The following ATP8B1 variants were observed in gnomAD, a reference collection of about 807,000 sequenced individuals.
ATP8B1 encodes the protein ATPase phospholipid transporting 8B1.
ATP8B1 carries 80 observed loss-of-function variants against 149.9 expected under a neutral mutation model. The observed-to-expected ratio is 0.53, with a 90% CI of 0.45 to 0.64. The LOEUF is 0.64. ATP8B1 is among the 30% of genes least tolerant of loss of function. The probability of loss-of-function intolerance (pLI) is 0.00; values close to 1 mark genes in which losing one functional copy is unlikely to be tolerated. For synonymous variants in ATP8B1, 536 were observed against 562.8 expected (o/e 0.95, Z 0.67); for missense variants, 1,247 against 1,552.6 (o/e 0.80, Z 3.31).
At chr18:57,759,804 G>A (rs2080129925) in intron 1 of ATP8B1, among the ~76,000 whole-genome samples, 1 of 150,162 alleles carries the variant, frequency 6.7e-6, no homozygotes, top group Non-Finnish European at 1.5e-5. Flanking sequence ...GGGAGACAGA[G>A]CGAGACTCCG....
intron 22 of ATP8B1, among the ~76,000 whole-genome samples, chr18:57,655,929 G>A (rs1433100827): frequency 6.6e-6 from 1 of 152,216 alleles, no homozygotes; most frequent in African/African-American, 2.4e-5. Flanking sequence ...TTGTGAATTA[G>A]GTTCCACTGT....
chr18:57,699,773 G>C (rs557177360), intron 6 of ATP8B1, among the ~76,000 whole-genome samples: 2 of 152,072 alleles, frequency 1.3e-5, no homozygotes, highest in African/African-American at 4.8e-5. Context: ...GGCTGGCCTC[G>C]AACTCCTGGC....
rs999536671 is a variant in ATP8B1 at position 57,698,976 on chromosome 18, G to C, written c.555-1109C>G. Among the ~76,000 whole-genome samples the C allele has an allele frequency of 2.0e-5, 3 of 152,108 alleles. No homozygotes were observed. The East Asian group carries it at 5.8e-4, about 29-fold the overall frequency. On this transcript the variant is annotated intron_variant, in intron 6 of 27. Transcript: ENST00000648908. ...TGTCTTGAACTATAAATTTCTCAAG[G>C]ATACTGTCCTGCCTCCAACATGCAG...
At position 57,685,066 on chromosome 18, in the gene ATP8B1, T is replaced by A. The variant is rs750987218; in HGVS notation, c.1473+6A>T. 7 of 1,613,922 alleles carry A rather than the reference T, an allele frequency of 4.3e-6. No homozygotes were observed. The African/African-American group carries it at 9.3e-5, about 22-fold the overall frequency. ...CCCAAACGATTCTTCGGCTTAAAGGTCTTACCTCTATTTTGTTGTGGTTGT... is the reference window on the plus strand; with the variant it reads ...CCCAAACGATTCTTCGGCTTAAAGGACTTACCTCTATTTTGTTGTGGTTGT... On this transcript the variant is annotated splice_donor_region_variant and intron_variant, in intron 14 of 27. Coordinates refer to ENST00000648908, the MANE Select transcript of ATP8B1 (RefSeq NM_001374385.1).
chr18:57,679,103 T>C (rs1203592039), intron 15 of ATP8B1, among the ~76,000 whole-genome samples: 27 of 145,214 alleles, frequency 1.9e-4, no homozygotes, highest in African/African-American at 6.4e-4. Flanking sequence ...TGGTGGCGGG[T>C]GCCTGTAGTC....
At chr18:57,663,026 A>G (rs1910581428) in intron 20 of ATP8B1, among the ~76,000 whole-genome samples, 1 of 152,164 alleles carries the variant, frequency 6.6e-6, no homozygotes, top group Non-Finnish European at 1.5e-5. Context: ...TTATCCAACC[A>G]ATCTCTAGAA....
intron 15 of ATP8B1, among the ~76,000 whole-genome samples, chr18:57,678,231 T>TA (rs1437945660): frequency 6.6e-6 from 1 of 152,000 alleles, no homozygotes; most frequent in Non-Finnish European, 1.5e-5. Context: ...ACATAAAGAC[T>TA]GCAAAAATAG....
At chr18:57,791,453 C>T (rs1313319376) in intron 1 of ATP8B1, among the ~76,000 whole-genome samples, 2 of 147,388 alleles carry the variant, frequency 1.4e-5, no homozygotes, top group Non-Finnish European at 3.0e-5. Context: ...TGAGTTCAAG[C>T]GATTCTTGTG....
chr18:57,703,851 A>G (rs995878631), intron 4 of ATP8B1, among the ~76,000 whole-genome samples: 1 of 152,238 alleles, frequency 6.6e-6, no homozygotes, highest in African/African-American at 2.4e-5. Context: ...CCAAAATTTT[A>G]ATAAAAAATC....
Position 57,662,582 on chromosome 18 carries a change from C to T in ATP8B1, c.2319G>A (p.Arg773=), listed in dbSNP as rs781048887. ...SLLHARMENQ[R]NRGGVYAKFA... is the part of the protein sequence containing the mutation. ...ACTTTGCGTAGACGCCACCTCTATTCCTCTGGTTTTCCATCCTTGCATGAA... is the reference window on the plus strand; with the variant it reads ...ACTTTGCGTAGACGCCACCTCTATTTCTCTGGTTTTCCATCCTTGCATGAA... The change falls in exon 21 of 28, where the codon AGG becomes AGA. Residue 773 remains arginine, a synonymous_variant. Coordinates refer to ENST00000648908, the MANE Select transcript of ATP8B1 (RefSeq NM_001374385.1). 1.2e-6 allele frequency: 2 copies of T among 1,614,120 alleles called. No homozygotes were observed. The highest frequency in any genetic ancestry group is 1.1e-5 in the South Asian group (1 of 91,082).
chr18:57,652,117 C>T lies in ATP8B1; in HGVS notation c.3317G>A (p.Ser1106Asn), dbSNP rs1568178477. Residue 1106 changes from serine (S) to asparagine (N), a missense_variant, in exon 26 of 28, where the codon AGC (serine) becomes AAC (asparagine). Physicochemically the swap from Ser to Asn is conservative, Grantham distance 46 (BLOSUM62 1). Around this residue, in one of 3 missense-constraint regions of ATP8B1, gnomAD observed 230 missense variants for 356.6 expected, o/e 0.65. Coordinates refer to ENST00000648908, the MANE Select transcript of ATP8B1 (RefSeq NM_001374385.1). ...CATGATGCCAAAATAAAGTGCAATG[C>T]TTCCAAAAATTGAAAAAGCATTCAC... is the stretch of plus-strand genomic sequence containing the variant. Reference protein sequence around the residue: ...TFVNAFSIFGSIALYFGIMFD... With the variant: ...TFVNAFSIFGNIALYFGIMFD... The T allele has an allele frequency of 6.2e-7, 1 of 1,613,958 alleles. No homozygotes were observed. Among genetic ancestry groups the T allele is most frequent in the South Asian group, 1.1e-5 (1 of 91,078 alleles).
At position 57,704,547 on chromosome 18, in the gene ATP8B1, G is replaced by C. The variant is rs1913290204; in HGVS notation, c.393+8C>G. 6.6e-7 allele frequency: 1 copy of C among 1,520,896 alleles called. No individual in the cohort carries two copies. The highest frequency in any genetic ancestry group is 9.1e-7 in the Non-Finnish European group (1 of 1,095,832). The allele number at this position is 1,520,896 out of a possible 1,614,324, so 94.2% of individuals were successfully genotyped here. On this transcript the variant is annotated splice_region_variant and intron_variant, in intron 4 of 27. Transcript: ENST00000648908. ...TTCAAACAGATTTAAGATAGCAAAG[G>C]GCATTACCTGTAAGATAAGAAGAGC...
chr18:57,646,578 G>A lies in ATP8B1; in HGVS notation c.*1910C>T, dbSNP rs1271599571. On this transcript the variant is annotated 3_prime_UTR_variant, in exon 28 of 28. Coordinates refer to ENST00000648908, the MANE Select transcript of ATP8B1 (RefSeq NM_001374385.1). ...TTGTTAATATTGCACCCAACAGTAT[G>A]TCTTTGACACATTTGCATTGTCAAT... The A allele has an allele frequency of 1.3e-5, 2 of 152,670 alleles. No individual in the cohort carries two copies. Among genetic ancestry groups the A allele is most frequent in the South Asian group, 2.1e-4 (1 of 4,828 alleles). The allele number at this position is 152,670 out of a possible 1,614,324, so 9.5% of individuals were successfully genotyped here.
intron 1 of ATP8B1, among the ~76,000 whole-genome samples, chr18:57,740,040 A>T (rs2079896052): frequency 6.6e-6 from 1 of 152,016 alleles, no homozygotes; most frequent in South Asian, 2.1e-4. Flanking sequence ...ATTAGAATGC[A>T]CCCTTACTCA....
chr18:57,650,244 A>T, intron 27 of ATP8B1, 123 bp downstream of exon 27: 2 of 1,245,204 alleles, frequency 1.6e-6, no homozygotes, highest in Non-Finnish European at 2.3e-6. Context: ...AAAGAGAAGC[A>T]ATCATGAAAA....
At chr18:57,724,049 G>A (rs1475518963) in intron 2 of ATP8B1, among the ~76,000 whole-genome samples, 1 of 151,934 alleles carries the variant, frequency 6.6e-6, no homozygotes, top group Non-Finnish European at 1.5e-5. Flanking sequence ...CTAGCCATAT[G>A]TAGGAAACTG....
chr18:57,688,575 T>C, intron 12 of ATP8B1, 68 bp from the exon 13 acceptor site: 2 of 1,506,376 alleles, frequency 1.3e-6, no homozygotes, highest in South Asian at 2.3e-5. Flanking sequence ...GAGATTTTAT[T>C]CTCATTGTAC....
At chr18:57,707,957 A>G (rs943067612) in intron 2 of ATP8B1, among the ~76,000 whole-genome samples, 1 of 150,024 alleles carries the variant, frequency 6.7e-6, no homozygotes, top group Non-Finnish European at 1.5e-5. Context: ...AGGAGTTCAA[A>G]ACCAGCCTGG....
intron 1 of ATP8B1, among the ~76,000 whole-genome samples, chr18:57,759,398 G>T (rs886829980): frequency 2.0e-5 from 3 of 152,036 alleles, no homozygotes; most frequent in Admixed American, 6.6e-5. Context: ...TCAATCTAAG[G>T]TGATAGCTCC....
Sources: allele counts gnomAD v4.1 joint callset (sites outside exome capture counted in the v4.1 genomes callset), GRCh38; gene constraint gnomAD v4.1.1; regional missense constraint gnomAD v4.1.1; transcripts MANE v1.5; gene names NCBI Gene and HGNC (gene_info 2026-07-23, HGNC 2026-07-21).